The following SPOCK1 variants were observed in gnomAD, a reference collection of about 807,000 sequenced individuals.
The protein encoded by SPOCK1 is testican-1.
Under a neutral mutation model 55.3 loss-of-function variants are expected in SPOCK1, and 23 were observed. That is an observed-to-expected ratio of 0.42 (90% CI 0.30 to 0.59). The LOEUF is 0.59. Among genes scored for constraint, SPOCK1 ranks in the 20% least tolerant of loss-of-function variants. SPOCK1 has a pLI of 0.22. For synonymous variants in SPOCK1, 226 were observed against 221.0 expected (o/e 1.02, Z -0.20); for missense variants, 499 against 552.5 (o/e 0.90, Z 0.97).
At chr5:137,181,383 G>T (rs968171425) in intron 3 of SPOCK1, among the ~76,000 whole-genome samples, 1 of 152,166 alleles carries the variant, frequency 6.6e-6, no homozygotes, top group African/African-American at 2.4e-5. Flanking sequence ...CTGCTTTAGG[G>T]TCCTTCATTC....
intron 6 of SPOCK1, among the ~76,000 whole-genome samples, chr5:137,023,395 A>T (rs979276961): frequency 1.3e-5 from 2 of 152,118 alleles, no homozygotes; most frequent in African/African-American, 2.4e-5. Context: ...CTGGGTTTTG[A>T]CTAGGGGATT....
chr5:137,220,010 C>G (rs1461778418), intron 3 of SPOCK1, among the ~76,000 whole-genome samples: 1 of 152,104 alleles, frequency 6.6e-6, no homozygotes, highest in Non-Finnish European at 1.5e-5. Flanking sequence ...TCCATCTGCC[C>G]CAGAAGTAGA....
chr5:137,042,688 G>A (rs2126992606), intron 6 of SPOCK1, among the ~76,000 whole-genome samples: 1 of 152,230 alleles, frequency 6.6e-6, no homozygotes, highest in East Asian at 1.9e-4. Context: ...TAAATGGATA[G>A]TGGATGGTGG....
At chr5:137,060,849 C>T (rs1752383376) in intron 6 of SPOCK1, among the ~76,000 whole-genome samples, 1 of 152,192 alleles carries the variant, frequency 6.6e-6, no homozygotes, top group African/African-American at 2.4e-5. Flanking sequence ...ACCTGTGGTG[C>T]ACTTTCCCAG....
intron 4 of SPOCK1, among the ~76,000 whole-genome samples, chr5:137,136,691 A>G (rs1580770198): frequency 6.6e-6 from 1 of 152,160 alleles, no homozygotes; most frequent in East Asian, 1.9e-4. Flanking sequence ...ACCAAACTAA[A>G]TTAAAAATTA....
In SPOCK1 at chr5:137,376,970, C is replaced by T. The variant is rs138841707; in HGVS notation, c.187-109915G>A. The stretch of plus-strand genomic sequence containing the variant: ...CTGTTTTTGCTGCAATATGGCACTT[C>T]GCTTCCTAACTCATGAAGGAAAGAC... On this transcript the variant is annotated intron_variant, in intron 2 of 10. Coordinates refer to ENST00000394945, the MANE Select transcript of SPOCK1 (RefSeq NM_004598.4). Among the ~76,000 whole-genome samples, 451 of 152,270 alleles carry T rather than the reference C, an allele frequency of 3.0e-3. 2 individuals are homozygous for T. Among genetic ancestry groups the T allele is most frequent in the African/African-American group, 0.01 (426 of 41,562 alleles).
At chr5:137,139,794 C>G (rs1754059724) in intron 4 of SPOCK1, among the ~76,000 whole-genome samples, 1 of 152,126 alleles carries the variant, frequency 6.6e-6, no homozygotes, top group South Asian at 2.1e-4. Flanking sequence ...CCATCTGACT[C>G]CCTTCTTAAA....
rs567535824 is a variant in SPOCK1 at position 137,389,253 on chromosome 5, C to T, written c.186+109120G>A. 3.2e-4 allele frequency among the ~76,000 whole-genome samples: 49 copies of T among 152,366 alleles called. No individual in the cohort carries two copies. In the South Asian group the frequency reaches 6.2e-3, roughly 19 times the overall value. ...AGAGCTTTCTAGGCTTCCAAGAACA[C>T]CTTGTCCTGGTCCTGTCTGTCCCCT... On this transcript the variant is annotated intron_variant, in intron 2 of 10. Transcript: ENST00000394945.
chr5:137,256,487 A>T (rs958569422), intron 3 of SPOCK1, among the ~76,000 whole-genome samples: 14 of 152,330 alleles, frequency 9.2e-5, no homozygotes, highest in African/African-American at 3.4e-4. Flanking sequence ...ACATGGTGAC[A>T]GAGGGCAAGA....
chr5:137,142,337 T>C lies in SPOCK1; in HGVS notation c.233-1643A>G, dbSNP rs571330363. Among the ~76,000 whole-genome samples, 9 of 152,306 alleles carry C rather than the reference T, an allele frequency of 5.9e-5. 1 individual carries two copies. In the South Asian group the frequency reaches 1.9e-3, roughly 32 times the overall value. ...TCTCCTCCTGCCCAGGCCCAGAATC[T>C]GCACACTACTTTCTTCAAATGCCTG... On this transcript the variant is annotated intron_variant, in intron 3 of 10. Coordinates refer to ENST00000394945, the MANE Select transcript of SPOCK1 (RefSeq NM_004598.4).
At chr5:137,109,100 G>A (rs536992224) in intron 5 of SPOCK1, among the ~76,000 whole-genome samples, 1 of 152,308 alleles carries the variant, frequency 6.6e-6, no homozygotes, top group African/African-American at 2.4e-5. Flanking sequence ...GGTTTTTGCT[G>A]GGGTTTGATG....
At chr5:137,127,008 C>A (rs1753793584) in intron 4 of SPOCK1, among the ~76,000 whole-genome samples, 1 of 152,122 alleles carries the variant, frequency 6.6e-6, no homozygotes, top group African/African-American at 2.4e-5. Flanking sequence ...TTAGAAAGTT[C>A]TCAGCCTATT....
At chr5:137,217,424 C>A (rs1482295865) in intron 3 of SPOCK1, among the ~76,000 whole-genome samples, 1 of 152,198 alleles carries the variant, frequency 6.6e-6, no homozygotes, top group African/African-American at 2.4e-5. Flanking sequence ...CCCAGGGACA[C>A]TGGACTAGAG....
intron 2 of SPOCK1, among the ~76,000 whole-genome samples, chr5:137,289,570 G>A (rs1468332645): frequency 6.6e-6 from 1 of 152,176 alleles, no homozygotes; most frequent in Non-Finnish European, 1.5e-5. Context: ...AGATGTGTTG[G>A]TTGAAGCTAG....
At chr5:137,185,671 G>T (rs1755054590) in intron 3 of SPOCK1, among the ~76,000 whole-genome samples, 1 of 151,874 alleles carries the variant, frequency 6.6e-6, no homozygotes, top group Non-Finnish European at 1.5e-5. Flanking sequence ...GGTGGGATGG[G>T]CATGAGATTA....
At chr5:137,403,836 G>A (rs1245958089) in intron 2 of SPOCK1, among the ~76,000 whole-genome samples, 7 of 152,094 alleles carry the variant, frequency 4.6e-5, no homozygotes, top group Non-Finnish European at 1.0e-4. Flanking sequence ...GACAGCCTGC[G>A]AGACGGGGTG....
intron 3 of SPOCK1, among the ~76,000 whole-genome samples, chr5:137,264,946 C>A (rs978102520): frequency 3.9e-5 from 6 of 152,156 alleles, no homozygotes; most frequent in African/African-American, 1.4e-4. Context: ...GGATACTCAG[C>A]TAAGGTCCTT....
chr5:137,238,796 T>C (rs1161865054), intron 3 of SPOCK1, among the ~76,000 whole-genome samples: 2 of 152,234 alleles, frequency 1.3e-5, no homozygotes, highest in Non-Finnish European at 2.9e-5. Flanking sequence ...AAGATCACAC[T>C]TAATGGGGGC....
intron 3 of SPOCK1, among the ~76,000 whole-genome samples, chr5:137,169,741 G>GT (rs1754713081): frequency 6.6e-6 from 1 of 152,214 alleles, no homozygotes; most frequent in Non-Finnish European, 1.5e-5. Context: ...AGTCTGGGAA[G>GT]TAAGATGTGT....
Sources: gnomAD v4.1 joint callset for allele counts (sites outside exome capture counted in the v4.1 genomes callset) on GRCh38, gnomAD v4.1.1 for gene constraint, MANE v1.5 for transcripts, NCBI Gene and HGNC (gene_info 2026-07-23, HGNC 2026-07-21) for gene names.